The following KIAA2012 variants were observed in gnomAD, a reference collection of about 807,000 sequenced individuals.
KIAA2012 encodes the protein uncharacterized protein KIAA2012.
A neutral mutation model predicts 150.6 loss-of-function variants in KIAA2012; 125 were observed. That is an observed-to-expected ratio of 0.83 (90% CI 0.72 to 0.96). KIAA2012 has a LOEUF of 0.96. KIAA2012 is among the 40% of genes least tolerant of loss of function. The probability of loss-of-function intolerance (pLI) is 0.00; values close to 1 mark genes in which losing one functional copy is unlikely to be tolerated. For missense variants in KIAA2012, 1,219 were observed against 1,354.9 expected, an observed-to-expected ratio of 0.90 and a Z score of 1.57; for synonymous variants, 462 against 504.7, an observed-to-expected ratio of 0.92 and a Z score of 1.13.
intron 19 of KIAA2012, among the ~76,000 whole-genome samples, chr2:202,190,846 T>C (rs1400709509): frequency 6.6e-6 from 1 of 152,208 alleles, no homozygotes; most frequent in Admixed American, 6.5e-5. Context: ...GAGCTGAGCA[T>C]ATTTCCTTGA....
At chr2:202,125,611 T>C (rs540015323) in intron 12 of KIAA2012, among the ~76,000 whole-genome samples, 9 of 152,188 alleles carry the variant, frequency 5.9e-5, no homozygotes, top group East Asian at 1.9e-4. Flanking sequence ...CCCTAAATAA[T>C]GAGGTAGACA....
intron 11 of KIAA2012, chr2:202,114,090 T>C (rs1690453308): frequency 6.6e-6 from 1 of 152,266 alleles, no homozygotes; most frequent in Non-Finnish European, 1.5e-5. Context: ...TGCACTCATC[T>C]GGGGGGTTAC....
At chr2:202,161,712 G>A (rs377056819) in intron 14 of KIAA2012, among the ~76,000 whole-genome samples, 25 of 151,954 alleles carry the variant, frequency 1.6e-4, no homozygotes, top group Admixed American at 5.9e-4. Flanking sequence ...CATTTATCAC[G>A]CTGCATTGCA....
intron 19 of KIAA2012, among the ~76,000 whole-genome samples, 182 bp from the exon 20 acceptor site, chr2:202,193,119 A>G (rs894961202): frequency 1.3e-5 from 2 of 152,210 alleles, no homozygotes; most frequent in Non-Finnish European, 2.9e-5. Context: ...AGTTGAATCC[A>G]GGTTAATCAG....
At chr2:202,109,912 A>G (rs1690302683) in intron 10 of KIAA2012, 123 bp downstream of exon 10, 1 of 824,140 alleles carries the variant, frequency 1.2e-6, no homozygotes, top group East Asian at 2.7e-5. Context: ...GGTAATTGAC[A>G]CTGTTTCTGA....
At chr2:202,101,633 A>AGTG (rs1690047226) in intron 7 of KIAA2012, among the ~76,000 whole-genome samples, 1 of 152,232 alleles carries the variant, frequency 6.6e-6, no homozygotes, top group South Asian at 2.1e-4. Flanking sequence ...GCCATACCTC[A>AGTG]CACAAATCAT....
At chr2:202,198,213 G>T (rs542390594) in intron 22 of KIAA2012, among the ~76,000 whole-genome samples, 1 of 147,306 alleles carries the variant, frequency 6.8e-6, no homozygotes, top group African/African-American at 2.5e-5. Flanking sequence ...TGATAGGATT[G>T]CAAGTGGCTC....
chr2:202,184,788 AG>A lies in KIAA2012; in HGVS notation c.2158del (p.Ala720LeufsTer42). 1 of 1,549,216 alleles carries A rather than the reference AG, an allele frequency of 6.5e-7. No individual in the cohort carries two copies. Among genetic ancestry groups the A allele is most frequent in the Non-Finnish European group, 8.7e-7 (1 of 1,146,494 alleles). On this transcript the variant is annotated frameshift_variant, in exon 16 of 24. Coordinates refer to ENST00000498697, the MANE Select transcript of KIAA2012 (RefSeq NM_001277372.4). LOFTEE classifies it high-confidence loss of function. ...EPRSMTLDSP[R>X]ASRTEHIQTP... ...AAGGAGTATGACCCTTGACTCTCCCAGGGCTTCCCGGACTGAGCACATCCAG... is the reference window on the plus strand; with the variant it reads ...AAGGAGTATGACCCTTGACTCTCCCAGGCTTCCCGGACTGAGCACATCCAG...
At chr2:202,180,995 G>T (rs1402514457) in intron 15 of KIAA2012, among the ~76,000 whole-genome samples, 3 of 152,032 alleles carry the variant, frequency 2.0e-5, no homozygotes, top group Non-Finnish European at 4.4e-5. Context: ...TTTGAGACAG[G>T]GTCCCACTCT....
At chr2:202,134,671 C>T (rs557947082) in intron 12 of KIAA2012, among the ~76,000 whole-genome samples, 5 of 152,300 alleles carry the variant, frequency 3.3e-5, no homozygotes, top group South Asian at 2.1e-4. Flanking sequence ...TCTCTTGCCT[C>T]GGCCTCCCAA....
chr2:202,126,505 A>T (rs1690791460), intron 12 of KIAA2012, among the ~76,000 whole-genome samples: 2 of 152,134 alleles, frequency 1.3e-5, no homozygotes, highest in Non-Finnish European at 2.9e-5. Context: ...TTGGGCAGAC[A>T]TCCTGACGAA....
chr2:202,150,733 C>G (rs559696790), intron 13 of KIAA2012, among the ~76,000 whole-genome samples: 1 of 152,150 alleles, frequency 6.6e-6, no homozygotes, highest in Non-Finnish European at 1.5e-5. Context: ...CAGGCATAAG[C>G]CACCGCACCT....
chr2:202,186,128 G>A (rs1225380318), intron 16 of KIAA2012, among the ~76,000 whole-genome samples: 1 of 152,212 alleles, frequency 6.6e-6, no homozygotes, highest in Non-Finnish European at 1.5e-5. Flanking sequence ...GTTATCCTCA[G>A]GGCAAACAGT....
chr2:202,076,462 C>T (rs1270842331), intron 2 of KIAA2012, among the ~76,000 whole-genome samples: 1 of 152,114 alleles, frequency 6.6e-6, no homozygotes, highest in Non-Finnish European at 1.5e-5. Flanking sequence ...AATAGAGAAG[C>T]TTGATGATCC....
Position 202,093,071 on chromosome 2 carries a change from A to G in KIAA2012, c.571A>G (p.Asn191Asp). Reference sequence around the variant, plus strand: ...TGTGCTACTCCAGGACAGTCAACTTAATGTACCAAAGAAGCTCAGGCCACA... The same window carrying G: ...TGTGCTACTCCAGGACAGTCAACTTGATGTACCAAAGAAGCTCAGGCCACA... ...DSVLLQDSQL[N>D]VPKKLRPQQD... Residue 191 changes from asparagine to aspartate, a missense_variant, in exon 4 of 24, where the codon AAT becomes GAT. Transcript: ENST00000498697. 6.4e-7 allele frequency: 1 copy of G among 1,550,746 alleles called. No homozygotes were observed. Among genetic ancestry groups the G allele is most frequent in the South Asian group, 1.2e-5 (1 of 84,052 alleles).
intron 13 of KIAA2012, among the ~76,000 whole-genome samples, chr2:202,145,847 G>T (rs1002202505): frequency 1.3e-5 from 2 of 151,796 alleles, no homozygotes; most frequent in Admixed American, 6.6e-5. Context: ...ACCACACCCG[G>T]CTAATTTTTG....
chr2:202,146,244 C>G (rs1691291358), intron 13 of KIAA2012, among the ~76,000 whole-genome samples: 1 of 152,040 alleles, frequency 6.6e-6, no homozygotes, highest in Admixed American at 6.5e-5. Flanking sequence ...GGCTCACATC[C>G]ATAATCCCAG....
chr2:202,082,514 T>C (rs1689473982), intron 2 of KIAA2012, among the ~76,000 whole-genome samples: 1 of 152,138 alleles, frequency 6.6e-6, no homozygotes, highest in South Asian at 2.1e-4. Flanking sequence ...GAGAATTGCT[T>C]GAACCCGGGA....
intron 14 of KIAA2012, among the ~76,000 whole-genome samples, chr2:202,162,727 C>T (rs1284551003): frequency 4.6e-5 from 7 of 151,542 alleles, no homozygotes; most frequent in Non-Finnish European, 1.0e-4. Flanking sequence ...GTCAAGAGAT[C>T]GAGACAATCC....
Sources: allele counts gnomAD v4.1 joint callset (sites outside exome capture counted in the v4.1 genomes callset), GRCh38; gene constraint gnomAD v4.1.1; transcripts MANE v1.5; gene names NCBI Gene and HGNC (gene_info 2026-07-23, HGNC 2026-07-21).